TBC1D13: variants seen among roughly 807,000 people sequenced by gnomAD.
TBC1D13 encodes TBC1 domain family member 13, also known as epididymis secretory sperm binding protein.
TBC1D13 carries 40 observed loss-of-function variants against 53.6 expected under a neutral mutation model. The observed-to-expected ratio is 0.75, with a 90% CI of 0.58 to 0.97. TBC1D13 has a LOEUF of 0.97. Among genes scored for constraint, TBC1D13 ranks in the 50% least tolerant of loss-of-function variants. TBC1D13 has a pLI of 0.00. For missense variants in TBC1D13, 377 were observed against 499.4 expected, an observed-to-expected ratio of 0.75 and a Z score of 2.34; for synonymous variants, 182 against 197.7, an observed-to-expected ratio of 0.92 and a Z score of 0.67.
At position 128,809,801 on chromosome 9, in the gene TBC1D13, G is replaced by A. The variant is rs1829914594; in HGVS notation, c.*1922G>A. 1 of 152,222 alleles carries A rather than the reference G, an allele frequency of 6.6e-6. No individual in the cohort carries two copies. The highest frequency in any genetic ancestry group is 2.4e-5 in the African/African-American group (1 of 41,432). The allele number at this position is 152,222 out of a possible 1,614,324, so 9.4% of individuals were successfully genotyped here. ...GTTCTGTACTGGAATTGAGTGTAAA[G>A]ATGGGAAGAGAACTGGGCTGACTCC... On this transcript the variant is annotated 3_prime_UTR_variant, in exon 12 of 12. Transcript: ENST00000372648.
rs1829922090 is a variant in TBC1D13, at chr9:128,810,142, C to CCCAGCAGGACACCGCCTGCAGA, written c.*2264_*2285dup. On this transcript the variant is annotated 3_prime_UTR_variant, in exon 12 of 12. Coordinates refer to ENST00000372648, the MANE Select transcript of TBC1D13 (RefSeq NM_018201.5). ...GACCAGGCCTTGGTTAGGCTGAGCT[C>CCCAGCAGGACACCGCCTGCAGA]CCAGCAGGACACCGCCTGCAGAAAG... is the stretch of plus-strand genomic sequence containing the variant. 6.6e-6 allele frequency: 1 copy of CCCAGCAGGACACCGCCTGCAGA among 152,180 alleles called. No individual in the cohort carries two copies. The highest frequency in any genetic ancestry group is 2.4e-5 in the African/African-American group (1 of 41,438). The allele number at this position is 152,180 out of a possible 1,614,324, so 9.4% of individuals were successfully genotyped here.
chr9:128,804,205 G>A, intron 9 of TBC1D13, 86 bp downstream of exon 9: 1 of 1,483,440 alleles, frequency 6.7e-7, no homozygotes, highest in South Asian at 1.3e-5. Flanking sequence ...GGTCTCGCTT[G>A]AGTCTGGGGG....
chr9:128,802,992 C>T (rs1829763623), intron 7 of TBC1D13, among the ~76,000 whole-genome samples: 1 of 152,182 alleles, frequency 6.6e-6, no homozygotes, highest in African/African-American at 2.4e-5. Context: ...GCCTTGGCCT[C>T]CAAAAGTGCT....
At chr9:128,793,766 C>T (rs1829577548) in intron 6 of TBC1D13, among the ~76,000 whole-genome samples, 1 of 152,154 alleles carries the variant, frequency 6.6e-6, no homozygotes, top group Non-Finnish European at 1.5e-5. Flanking sequence ...GGCACTCTGA[C>T]CCGCAGTGAC....
chr9:128,793,680 G>A (rs964014165), intron 6 of TBC1D13, among the ~76,000 whole-genome samples: 3 of 152,180 alleles, frequency 2.0e-5, no homozygotes, highest in Non-Finnish European at 4.4e-5. Flanking sequence ...ATCAGAGAAG[G>A]GTCCTGGGAG....
intron 6 of TBC1D13, among the ~76,000 whole-genome samples, chr9:128,795,583 C>G (rs938938204): frequency 2.4e-4 from 37 of 151,030 alleles, no homozygotes; most frequent in Admixed American, 1.1e-3. Context: ...GCCTCAGCCT[C>G]CTAAGTAGCT....
chr9:128,805,832 C>T, intron 9 of TBC1D13, 27 bp from the exon 10 acceptor site: 1 of 1,606,898 alleles, frequency 6.2e-7, no homozygotes, highest in Non-Finnish European at 8.5e-7. Context: ...AGAGTCATGC[C>T]CCCCACCCCC....
chr9:128,788,113 T>G (rs1316600623), intron 1 of TBC1D13, among the ~76,000 whole-genome samples: 2 of 152,258 alleles, frequency 1.3e-5, no homozygotes, highest in Admixed American at 6.5e-5. Context: ...GTTTCTTCCC[T>G]GGCATTCTGT....
Position 128,803,461 on chromosome 9 carries a change from G to A in TBC1D13, c.754+1G>A. The A allele has an allele frequency of 1.9e-6, 3 of 1,613,964 alleles. No individual in the cohort carries two copies. Among genetic ancestry groups the A allele is most frequent in the Non-Finnish European group, 2.5e-6 (3 of 1,179,990 alleles). ...ACCGACCCCAATAGTGAGTGGAAAG[G>A]TAAGAAGGCTCTTGGTGCCCACATC... On this transcript the variant is annotated splice_donor_variant, in intron 8 of 11. Coordinates refer to ENST00000372648, the MANE Select transcript of TBC1D13 (RefSeq NM_018201.5). LOFTEE classifies it high-confidence loss of function.
At chr9:128,801,858 T>A (rs1334291052) in intron 7 of TBC1D13, among the ~76,000 whole-genome samples, 2 of 150,368 alleles carry the variant, frequency 1.3e-5, no homozygotes, top group African/African-American at 4.9e-5. Flanking sequence ...GCCTCCTGGG[T>A]TCATGCCATT....
intron 7 of TBC1D13, among the ~76,000 whole-genome samples, chr9:128,797,819 A>C (rs888040913): frequency 2.6e-5 from 4 of 152,046 alleles, no homozygotes; most frequent in South Asian, 2.1e-4. Flanking sequence ...ATAAAAATTA[A>C]GAAAACGGCC....
At chr9:128,788,230 G>A in intron 1 of TBC1D13, 104 bp from the exon 2 acceptor site, 1 of 957,518 alleles carries the variant, frequency 1.0e-6, no homozygotes, top group African/African-American at 1.6e-5. Flanking sequence ...CTAAAGGGGA[G>A]AGAGGCACAG....
chr9:128,803,961 G>T lies in TBC1D13; in HGVS notation c.760G>T (p.Ala254Ser), dbSNP rs1223934570. Residue 254 changes from alanine to serine, a missense_variant, in exon 9 of 12, where the codon GCC becomes TCC. Physicochemically the swap from Ala to Ser is moderately conservative, Grantham distance 99. Transcript: ENST00000372648. ...CCCATCCTGCTCTCTCCCAGAGCAC[G>T]CCGAGGCAGACACCTTTTTCTGCTT... ...TDPNSEWKEHAEADTFFCFTN... is the reference protein window; with the variant it reads ...TDPNSEWKEHSEADTFFCFTN... The T allele has an allele frequency of 6.2e-7, 1 of 1,612,670 alleles. No homozygotes were observed. The highest frequency in any genetic ancestry group is 8.5e-7 in the Non-Finnish European group (1 of 1,179,956).
chr9:128,798,145 CG>C (rs975723394), intron 7 of TBC1D13, among the ~76,000 whole-genome samples: 21 of 152,028 alleles, frequency 1.4e-4, no homozygotes, highest in Non-Finnish European at 2.4e-4. Flanking sequence ...CCCAGCTACC[CG>C]GGAGGCTTAG....
chr9:128,799,848 C>T (rs187578361), intron 7 of TBC1D13, among the ~76,000 whole-genome samples: 167 of 152,098 alleles, frequency 1.1e-3, no homozygotes, highest in African/African-American at 3.6e-3. Context: ...GGTGAAACCC[C>T]GTCTCTACTA....
chr9:128,788,979 C>T (rs1223964137), intron 2 of TBC1D13, among the ~76,000 whole-genome samples: 3 of 152,280 alleles, frequency 2.0e-5, no homozygotes, highest in Middle Eastern at 3.4e-3. Flanking sequence ...AATATCCCAA[C>T]GTGTTCTGCA....
intron 2 of TBC1D13, among the ~76,000 whole-genome samples, chr9:128,789,336 A>AAAG (rs397783926): frequency 2.0e-5 from 3 of 150,998 alleles, no homozygotes; most frequent in African/African-American, 7.3e-5. Context: ...AAAAAAAAAA[A>AAAG]GAACTTCTTA....
chr9:128,808,346 C>A lies in TBC1D13; in HGVS notation c.*467C>A. ...GAAAGCTGAGTCCTGCCGTCTGTCT[C>A]ACCCACAGATGTCTGTAGTCGGTCG... On this transcript the variant is annotated 3_prime_UTR_variant, in exon 12 of 12. Coordinates refer to ENST00000372648, the MANE Select transcript of TBC1D13 (RefSeq NM_018201.5). The A allele has an allele frequency of 4.5e-6, 1 of 221,732 alleles. No homozygotes were observed. The highest frequency in any genetic ancestry group is 9.3e-6 in the Non-Finnish European group (1 of 108,098). The allele number at this position is 221,732 out of a possible 1,614,324, so 13.7% of individuals were successfully genotyped here. A position where few individuals can be genotyped will look rare whatever the true frequency, so the allele number is the denominator to read the frequency against.
chr9:128,803,805 G>C lies in TBC1D13; in HGVS notation c.755-151G>C, dbSNP rs1169903881. The C allele has an allele frequency of 4.2e-6, 4 of 942,402 alleles. No individual in the cohort carries two copies. The African/African-American group carries it at 6.6e-5, about 16-fold the overall frequency. The allele number at this position is 942,402 out of a possible 1,614,324, so 58.4% of individuals were successfully genotyped here. ...AAGAGGCGATGTCTTTAGCCTGGGGGTGGAGAGGGGTCAAGGACAGAGGAA... is the reference window on the plus strand; with the variant it reads ...AAGAGGCGATGTCTTTAGCCTGGGGCTGGAGAGGGGTCAAGGACAGAGGAA... On this transcript the variant is annotated intron_variant, in intron 8 of 11. Coordinates refer to ENST00000372648, the MANE Select transcript of TBC1D13 (RefSeq NM_018201.5).
Sources: allele counts gnomAD v4.1 joint callset (sites outside exome capture counted in the v4.1 genomes callset), GRCh38; gene constraint gnomAD v4.1.1; transcripts MANE v1.5; gene names NCBI Gene and HGNC (gene_info 2026-07-23, HGNC 2026-07-21).